ZNF106: variants seen among roughly 807,000 people sequenced by gnomAD.
The protein encoded by ZNF106 is SH3-domain binding protein 3.
A neutral mutation model predicts 195.1 loss-of-function variants in ZNF106; 67 were observed. That is an observed-to-expected ratio of 0.34 (90% confidence interval 0.28 to 0.42). ZNF106 has a LOEUF of 0.42. Ranked by LOEUF, ZNF106 falls within the 10% of genes least tolerant of loss-of-function variation. The pLI, the probability that ZNF106 is intolerant of heterozygous loss-of-function variation, is 1.00. For synonymous variants in ZNF106, 784 were observed against 818.6 expected (o/e 0.96, Z 0.72); for missense variants, 2,118 against 2,304.5 (o/e 0.92, Z 1.66).
At chr15:42,462,860 T>C (rs2056425587) in intron 3 of ZNF106, among the ~76,000 whole-genome samples, 1 of 152,192 alleles carries the variant, frequency 6.6e-6, no homozygotes, top group African/African-American at 2.4e-5. Context: ...CATAGCTCAC[T>C]GCAGCCTCAA....
intron 4 of ZNF106, among the ~76,000 whole-genome samples, chr15:42,456,441 G>T (rs2056229676): frequency 6.6e-6 from 1 of 152,092 alleles, no homozygotes; most frequent in Admixed American, 6.6e-5. Context: ...TTGAGGTCAG[G>T]AGTTTGAGAC....
intron 17 of ZNF106, among the ~76,000 whole-genome samples, 159 bp from the exon 18 acceptor site, chr15:42,422,779 ATTAACT>A (rs2054716693): frequency 6.6e-6 from 1 of 150,828 alleles, no homozygotes; most frequent in Non-Finnish European, 1.5e-5. Flanking sequence ...ATACAACTGT[ATTAACT>A]TTAATAGCAG....
intron 4 of ZNF106, among the ~76,000 whole-genome samples, chr15:42,453,726 G>A (rs1191901088): frequency 6.6e-6 from 1 of 151,948 alleles, no homozygotes; most frequent in Non-Finnish European, 1.5e-5. Context: ...CTCCTGAGTA[G>A]CTGGGATTAC....
rs1483938762 is a variant in ZNF106 at position 42,413,698 on chromosome 15, C to G, written c.*3606G>C. On this transcript the variant is annotated 3_prime_UTR_variant, in exon 22 of 22. Transcript: ENST00000564754. ...ATCACTTAAACAGTAATAATATTGC[C>G]TCTAAATTAAAGGTAAGTCAGGAGC... 6.6e-6 allele frequency: 1 copy of G among 152,560 alleles called. No individual in the cohort carries two copies. The highest frequency in any genetic ancestry group is 2.4e-5 in the African/African-American group (1 of 41,424). The allele number at this position is 152,560 out of a possible 1,614,324, so 9.5% of individuals were successfully genotyped here. A position where few individuals can be genotyped will look rare whatever the true frequency, so the allele number is the denominator to read the frequency against.
chr15:42,439,863 A>G (rs1207638403), intron 10 of ZNF106, 50 bp from the exon 11 acceptor site: 1 of 1,471,218 alleles, frequency 6.8e-7, no homozygotes, highest in African/African-American at 1.4e-5. Context: ...GTTTGCTGCA[A>G]TTTATCACTG....
Position 42,424,871 on chromosome 15 carries a change from G to C in ZNF106, c.5153C>G (p.Thr1718Ser). Reference protein sequence around the residue: ...RDARNGLLLRTLEGHSKTILC... With the variant: ...RDARNGLLLRSLEGHSKTILC... ...AATGGTTTTGCTATGGCCCTCCAGA[G>C]TTCTGAGGAGCAGTCCATTCCGGGC... Residue 1718 changes from threonine (T) to serine (S), a missense_variant, in exon 16 of 22, where the codon ACT (threonine) becomes AGT (serine). By Grantham distance (58) the Thr-to-Ser change is moderately conservative. Coordinates refer to ENST00000564754, the MANE Select transcript of ZNF106 (RefSeq NM_001366845.3). 6.2e-7 allele frequency: 1 copy of C among 1,614,132 alleles called. No individual in the cohort carries two copies. The highest frequency in any genetic ancestry group is 8.5e-7 in the Non-Finnish European group (1 of 1,180,028).
At chr15:42,431,574 T>G (rs1353027612) in intron 14 of ZNF106, among the ~76,000 whole-genome samples, 1 of 152,084 alleles carries the variant, frequency 6.6e-6, no homozygotes, top group Non-Finnish European at 1.5e-5. Flanking sequence ...TTTTGTATTT[T>G]TATTTTTGTT....
In ZNF106 at chr15:42,451,593, T is replaced by C. The variant is rs201642616; in HGVS notation, c.679A>G (p.Ser227Gly). 4 of 1,614,096 alleles carry C rather than the reference T, an allele frequency of 2.5e-6. No individual in the cohort carries two copies. The highest frequency in any genetic ancestry group is 3.4e-6 in the Non-Finnish European group (4 of 1,180,046). The change falls in exon 5 of 22, where the codon AGT becomes GGT. Residue 227 changes from serine (S) to glycine (G), a missense_variant. Physicochemically the swap from Ser to Gly is moderately conservative, Grantham distance 56. Transcript: ENST00000564754. ...CCACCTGTTCCTTCAGAAAGCCAACTGGAATTCCTTCCTGTACCATTATGA... is the reference window on the plus strand; with the variant it reads ...CCACCTGTTCCTTCAGAAAGCCAACCGGAATTCCTTCCTGTACCATTATGA... ...WNHNGTGRNS[S>G]WLSEGTGGFS...
Position 42,451,081 on chromosome 15 carries a change from C to G in ZNF106, c.1191G>C (p.Met397Ile), listed in dbSNP as rs2056005947. 1.2e-6 allele frequency: 2 copies of G among 1,614,080 alleles called. No homozygotes were observed. Among genetic ancestry groups the G allele is most frequent in the Non-Finnish European group, 1.7e-6 (2 of 1,180,050 alleles). The part of the protein sequence containing the change: ...LKDITGNKSE[M>I]IEKPLFDFSL... ...TAAAATCAAAGAGAGGTTTCTCTAT[C>G]ATTTCTGACTTGTTACCAGTGATGT... is the stretch of plus-strand genomic sequence containing the variant. The change falls in exon 5 of 22, where the codon ATG becomes ATC. Residue 397 changes from methionine to isoleucine, a missense_variant. Coordinates refer to ENST00000564754, the MANE Select transcript of ZNF106 (RefSeq NM_001366845.3).
chr15:42,474,854 C>T (rs760008401), intron 1 of ZNF106, among the ~76,000 whole-genome samples: 3 of 152,162 alleles, frequency 2.0e-5, no homozygotes, highest in Non-Finnish European at 2.9e-5. Context: ...CCTCAAGTCC[C>T]TGCTAGAGAT....
intron 6 of ZNF106, 56 bp downstream of exon 6, chr15:42,448,016 A>G: frequency 2.0e-6 from 3 of 1,527,956 alleles, no homozygotes; most frequent in Non-Finnish European, 2.6e-6. Context: ...TTTTTTCATA[A>G]GCAACCAACT....
At chr15:42,432,601 G>A (rs2055092914) in intron 14 of ZNF106, among the ~76,000 whole-genome samples, 1 of 151,898 alleles carries the variant, frequency 6.6e-6, no homozygotes, top group African/African-American at 2.4e-5. Flanking sequence ...GCCTGGGCAT[G>A]GTGGTGCATG....
chr15:42,459,241 C>T (rs768684940), intron 3 of ZNF106, among the ~76,000 whole-genome samples: 1 of 151,970 alleles, frequency 6.6e-6, no homozygotes, highest in Non-Finnish European at 1.5e-5. Context: ...TTTGGGAGGC[C>T]GAGGCGGATG....
Position 42,444,275 on chromosome 15 carries a change from T to TATTTTATTAAGC in ZNF106, c.3361-25_3361-14dup. The TATTTTATTAAGC allele has an allele frequency of 4.4e-6, 7 of 1,599,180 alleles. No individual in the cohort carries two copies. The highest frequency in any genetic ancestry group is 6.0e-6 in the Non-Finnish European group (7 of 1,168,718). Reference sequence around the variant, plus strand: ...TCTCCATAGTTATCTAAAAATAAAGTATTTTATTAAGCATTTTGAAATCCA... The same window carrying TATTTTATTAAGC: ...TCTCCATAGTTATCTAAAAATAAAGTATTTTATTAAGCATTTTATTAAGCATTTTGAAATCCA... On this transcript the variant is annotated splice_polypyrimidine_tract_variant and intron_variant, in intron 8 of 21. Transcript: ENST00000564754.
intron 2 of ZNF106, among the ~76,000 whole-genome samples, chr15:42,467,957 T>C (rs1595486871): frequency 6.6e-6 from 1 of 152,182 alleles, no homozygotes; most frequent in Admixed American, 6.5e-5. Flanking sequence ...ATTTGGTGCA[T>C]TGAAATTTTT....
chr15:42,431,843 A>G (rs147666139), intron 14 of ZNF106, among the ~76,000 whole-genome samples: 147 of 152,110 alleles, frequency 9.7e-4, no homozygotes, highest in African/African-American at 3.3e-3. Flanking sequence ...CGAACTCCTG[A>G]CCTCAAGTGA....
At chr15:42,431,433 C>T (rs1371900331) in intron 14 of ZNF106, among the ~76,000 whole-genome samples, 1 of 147,048 alleles carries the variant, frequency 6.8e-6, no homozygotes, top group Non-Finnish European at 1.5e-5. Flanking sequence ...TTCTCTGTTG[C>T]CCAGGCTGGA....
intron 3 of ZNF106, 86 bp downstream of exon 3, chr15:42,465,967 G>C (rs558400329): frequency 1.8e-6 from 2 of 1,090,970 alleles, no homozygotes; most frequent in Admixed American, 5.0e-5. Flanking sequence ...GCTTTTGACG[G>C]ATTACTGCAA....
intron 19 of ZNF106, 113 bp downstream of exon 19, chr15:42,421,804 G>A: frequency 1.3e-6 from 1 of 747,918 alleles, no homozygotes; most frequent in Middle Eastern, 4.4e-4. Flanking sequence ...CAAGAGATGG[G>A]AAGGTACTTA....
Sources: gnomAD v4.1 joint callset for allele counts (sites outside exome capture counted in the v4.1 genomes callset) on GRCh38, gnomAD v4.1.1 for gene constraint, MANE v1.5 for transcripts, NCBI Gene and HGNC (gene_info 2026-07-23, HGNC 2026-07-21) for gene names.